SLC35G2: variants seen among roughly 807,000 people sequenced by gnomAD.
The protein encoded by SLC35G2 is transmembrane protein 22.
In SLC35G2, 20 loss-of-function variants were observed where a neutral mutation model predicts 27.2. That is an observed-to-expected ratio of 0.74 (90% CI 0.52 to 1.07). SLC35G2 has a LOEUF of 1.07. Among genes scored for constraint, SLC35G2 ranks in the 50% least tolerant of loss-of-function variants. The pLI is 0.00. For synonymous variants in SLC35G2, 148 were observed against 165.3 expected (o/e 0.90, Z 0.80); for missense variants, 416 against 493.3 (o/e 0.84, Z 1.48).
chr3:136,846,793 C>T (rs567674622), intron 1 of SLC35G2, among the ~76,000 whole-genome samples: 52 of 152,342 alleles, frequency 3.4e-4, no homozygotes, highest in African/African-American at 1.2e-3. Context: ...AACACTTTCT[C>T]TTAAGACAGA....
intron 1 of SLC35G2, among the ~76,000 whole-genome samples, chr3:136,825,843 G>T (rs2107996538): frequency 6.6e-6 from 1 of 152,206 alleles, no homozygotes; most frequent in East Asian, 1.9e-4. Context: ...ATTCATTAGA[G>T]ATATTGGCCT....
chr3:136,826,972 CTT>C (rs368303100), intron 1 of SLC35G2, among the ~76,000 whole-genome samples: 1 of 32,820 alleles, frequency 3.0e-5, no homozygotes. Flanking sequence ...TCTCTTTTTT[CTT>C]TTTTTTTTTT....
rs563420281 is a variant in SLC35G2, at chr3:136,852,898, AAAT to A, written c.-18-1537_-18-1535del. ...AAGTGAAAAAATAAAGGTCTAAAAG[AAAT>A]AATAATATTGTAGAAGATACCCAGT... On this transcript the variant is annotated intron_variant, in intron 1 of 1. Transcript: ENST00000446465. Among the ~76,000 whole-genome samples, 326 of 152,318 alleles carry A rather than the reference AAAT, an allele frequency of 2.1e-3. 2 individuals are homozygous for A. Among genetic ancestry groups the A allele is most frequent in the African/African-American group, 7.5e-3 (313 of 41,562 alleles).
At chr3:136,850,820 C>G (rs1937600659) in intron 1 of SLC35G2, among the ~76,000 whole-genome samples, 1 of 151,850 alleles carries the variant, frequency 6.6e-6, no homozygotes, top group African/African-American at 2.4e-5. Flanking sequence ...ATGGCAAAAC[C>G]CTGTCTCTAC....
intron 1 of SLC35G2, among the ~76,000 whole-genome samples, chr3:136,825,325 C>T (rs1281944534): frequency 1.3e-5 from 2 of 149,944 alleles, no homozygotes; most frequent in Admixed American, 6.7e-5. Flanking sequence ...ACTGTAACCT[C>T]TCCCTCCCAG....
At chr3:136,842,667 G>A (rs1364276055) in intron 1 of SLC35G2, 1 of 152,198 alleles carries the variant, frequency 6.6e-6, no homozygotes, top group African/African-American at 2.4e-5. Context: ...TTATAGGATG[G>A]GACAAAACTC....
chr3:136,823,063 C>G (rs758138050), intron 1 of SLC35G2, among the ~76,000 whole-genome samples: 1 of 152,164 alleles, frequency 6.6e-6, no homozygotes, highest in Non-Finnish European at 1.5e-5. Context: ...CACATCCTTG[C>G]CAGCTTTTGT....
At chr3:136,850,141 T>A (rs1937578783) in intron 1 of SLC35G2, among the ~76,000 whole-genome samples, 1 of 152,144 alleles carries the variant, frequency 6.6e-6, no homozygotes, top group Admixed American at 6.5e-5. Flanking sequence ...AAACAAAAGC[T>A]AACCATGGAA....
intron 1 of SLC35G2, chr3:136,842,987 C>A (rs564748993): frequency 6.6e-6 from 1 of 152,082 alleles, no homozygotes; most frequent in Non-Finnish European, 1.5e-5. Context: ...TTGTTTCTGA[C>A]ATCTCTGTAG....
chr3:136,832,773 G>T (rs1397900453), intron 1 of SLC35G2, among the ~76,000 whole-genome samples: 2 of 152,118 alleles, frequency 1.3e-5, no homozygotes, highest in African/African-American at 4.8e-5. Flanking sequence ...TGGTTAAGAT[G>T]GTGGAAGGAC....
chr3:136,846,657 G>A (rs1457192075), intron 1 of SLC35G2: 1 of 152,242 alleles, frequency 6.6e-6, no homozygotes, highest in African/African-American at 2.4e-5. Context: ...GAAAGTTACA[G>A]TGGCTAAACT....
chr3:136,852,685 A>T (rs9817132), intron 1 of SLC35G2, among the ~76,000 whole-genome samples: 1 of 151,494 alleles, frequency 6.6e-6, no homozygotes, highest in East Asian at 2.0e-4. Flanking sequence ...TAGAGACAGG[A>T]TTTTACCATG....
intron 1 of SLC35G2, chr3:136,842,229 A>AC: frequency 6.6e-6 from 1 of 152,262 alleles, no homozygotes; most frequent in East Asian, 1.9e-4. Context: ...TAATACCCTT[A>AC]CCCCATTCAC....
At chr3:136,836,130 A>C (rs1430704068) in intron 1 of SLC35G2, among the ~76,000 whole-genome samples, 1 of 152,072 alleles carries the variant, frequency 6.6e-6, no homozygotes, top group East Asian at 1.9e-4. Context: ...ATTCACACAC[A>C]CACACCCACA....
chr3:136,833,610 A>ATT (rs1936790584), intron 1 of SLC35G2, among the ~76,000 whole-genome samples: 1 of 152,190 alleles, frequency 6.6e-6, no homozygotes. Flanking sequence ...CATAAGGAAC[A>ATT]TGCAACCTAG....
At chr3:136,823,540 G>A (rs898925384) in intron 1 of SLC35G2, among the ~76,000 whole-genome samples, 8 of 152,048 alleles carry the variant, frequency 5.3e-5, no homozygotes, top group Non-Finnish European at 1.2e-4. Context: ...TTTATAGTTC[G>A]AAGACTTATA....
At chr3:136,836,076 G>A (rs991401918) in intron 1 of SLC35G2, among the ~76,000 whole-genome samples, 1 of 151,976 alleles carries the variant, frequency 6.6e-6, no homozygotes, top group Non-Finnish European at 1.5e-5. Context: ...ATTGCTACTG[G>A]AGTGTTACTG....
chr3:136,827,114 T>C (rs577712813), intron 1 of SLC35G2, among the ~76,000 whole-genome samples: 5 of 152,118 alleles, frequency 3.3e-5, no homozygotes, highest in Admixed American at 3.3e-4. Context: ...TGTGTATCTT[T>C]TAAAAAAACC....
chr3:136,835,381 ACAT>A lies in SLC35G2; in HGVS notation c.-19+15754_-19+15756del, dbSNP rs1202963120. Among the ~76,000 whole-genome samples, 138 of 16,086 alleles carry A rather than the reference ACAT, an allele frequency of 8.6e-3. 1 individual carries two copies. The highest frequency in any genetic ancestry group is 0.018 in the African/African-American group (119 of 6,628). 10.6% of individuals were successfully genotyped at this position (16,086 alleles called of 152,430 possible). A position where few individuals can be genotyped will look rare whatever the true frequency, so the allele number is the denominator to read the frequency against. On this transcript the variant is annotated intron_variant, in intron 1 of 1. Coordinates refer to ENST00000446465, the MANE Select transcript of SLC35G2 (RefSeq NM_025246.3). Reference sequence around the variant, plus strand: ...TTCTTCTTGATTAGATTCAGGTGATACATTTTTTTTTGGCAGGAATGTGATAGA... The same window carrying A: ...TTCTTCTTGATTAGATTCAGGTGATATTTTTTTTGGCAGGAATGTGATAGA...
Sources: gnomAD v4.1 joint callset for allele counts (sites outside exome capture counted in the v4.1 genomes callset) on GRCh38, gnomAD v4.1.1 for gene constraint, MANE v1.5 for transcripts, NCBI Gene and HGNC (gene_info 2026-07-23, HGNC 2026-07-21) for gene names.